RTN4IP1: variants seen among roughly 807,000 people sequenced by gnomAD.
RTN4IP1 encodes NAD(P)H oxidoreductase RTN4IP1, mitochondrial.
Under a neutral mutation model 46.6 loss-of-function variants are expected in RTN4IP1, and 32 were observed. The ratio of observed to expected loss-of-function variants is 0.69; its 90% confidence interval spans 0.52 to 0.92. RTN4IP1 has a LOEUF of 0.92. Ranked by LOEUF, RTN4IP1 falls within the 40% of genes least tolerant of loss-of-function variation. The pLI is 0.00. For synonymous variants in RTN4IP1, 167 were observed against 161.8 expected (o/e 1.03, Z -0.24); for missense variants, 424 against 485.8 (o/e 0.87, Z 1.20).
intron 5 of RTN4IP1, among the ~76,000 whole-genome samples, chr6:106,598,075 T>C (rs1775845917): frequency 1.3e-5 from 2 of 152,308 alleles, no homozygotes; most frequent in African/African-American, 4.8e-5. Context: ...TGTGCCAAAT[T>C]TTCTTAATCC....
intron 8 of RTN4IP1, among the ~76,000 whole-genome samples, chr6:106,572,771 GTT>G (rs888705458): frequency 4.0e-5 from 6 of 149,902 alleles, no homozygotes; most frequent in Non-Finnish European, 5.9e-5. Context: ...CATGGAAATA[GTT>G]TTTTTTTTGT....
upstream of RTN4IP1, chr6:106,629,688 G>T (rs1392547031): frequency 6.2e-7 from 1 of 1,606,474 alleles, no homozygotes; most frequent in Non-Finnish European, 8.5e-7. Flanking sequence ...GACCATGCTG[G>T]GCCGGAGCCT....
At position 106,587,576 on chromosome 6, in the gene RTN4IP1, C is replaced by T. The variant is rs12528136; in HGVS notation, c.990+103G>A. On this transcript the variant is annotated intron_variant, in intron 7 of 8. Transcript: ENST00000369063. ...CTGCAGAGTCCATGCTTGCAACCAC[C>T]GTGCTATGCGGCCTCCAAGAGAAGA... is the stretch of plus-strand genomic sequence containing the variant. The T allele has an allele frequency of 0.079, 81,898 of 1,035,940 alleles. 3,974 individuals are homozygous for T. Among genetic ancestry groups the T allele is most frequent in the East Asian group, 0.19 (7,820 of 41,604 alleles). The allele number at this position is 1,035,940 out of a possible 1,614,324, so 64.2% of individuals were successfully genotyped here.
At position 106,571,219 on chromosome 6, in the gene RTN4IP1, T is replaced by C. The variant is rs1775050765; in HGVS notation, c.*777A>G. The C allele has an allele frequency of 6.6e-6, 1 of 152,218 alleles. No individual in the cohort carries two copies. The highest frequency in any genetic ancestry group is 1.5e-5 in the Non-Finnish European group (1 of 68,036). 9.4% of individuals were successfully genotyped at this position (152,218 alleles called of 1,614,324 possible). A position where few individuals can be genotyped will look rare whatever the true frequency, so the allele number is the denominator to read the frequency against. On this transcript the variant is annotated 3_prime_UTR_variant, in exon 9 of 9. Coordinates refer to ENST00000369063, the MANE Select transcript of RTN4IP1 (RefSeq NM_032730.5). ...ATAAACAAATGAATCACCAGGCAGA[T>C]TTTTATATATGACACTAAGAGATTT... is the stretch of plus-strand genomic sequence containing the variant.
At chr6:106,576,728 A>G (rs1280617407) in intron 8 of RTN4IP1, among the ~76,000 whole-genome samples, 2 of 152,252 alleles carry the variant, frequency 1.3e-5, no homozygotes, top group Non-Finnish European at 2.9e-5. Flanking sequence ...GTAAGTAAAT[A>G]AAATGAAAAA....
At chr6:106,588,909 G>C (rs894225924) in intron 6 of RTN4IP1, among the ~76,000 whole-genome samples, 1 of 151,734 alleles carries the variant, frequency 6.6e-6, no homozygotes. Flanking sequence ...TCAGGAGTTC[G>C]AGACCAGCCT....
At chr6:106,592,041 G>T in intron 6 of RTN4IP1, 123 bp downstream of exon 6, 3 of 1,015,032 alleles carry the variant, frequency 3.0e-6, no homozygotes, top group Non-Finnish European at 2.9e-6. Context: ...TAGTGACATG[G>T]AATGTTTTCA....
intron 4 of RTN4IP1, among the ~76,000 whole-genome samples, chr6:106,603,897 G>T (rs186478699): frequency 2.0e-5 from 3 of 152,290 alleles, no homozygotes; most frequent in Non-Finnish European, 4.4e-5. Flanking sequence ...TATAAAAAGT[G>T]ATTGTTTGAT....
rs73524952 is a variant in RTN4IP1 at position 106,583,436 on chromosome 6, C to T, written c.991-16G>A. 5.2e-4 allele frequency: 822 copies of T among 1,582,538 alleles called. 5 individuals are homozygous for T. In the African/African-American group the frequency reaches 0.01, roughly 20 times the overall value. The stretch of plus-strand genomic sequence containing the variant: ...TCCAGAAATGCTAAAAAGAAGAAAA[C>T]AAAACATGTCAAATACAGAAAAACA... On this transcript the variant is annotated splice_polypyrimidine_tract_variant and intron_variant, in intron 7 of 8. Transcript: ENST00000369063.
intron 8 of RTN4IP1, among the ~76,000 whole-genome samples, chr6:106,581,612 A>G (rs967601888): frequency 6.6e-6 from 1 of 152,216 alleles, no homozygotes; most frequent in Admixed American, 6.5e-5. Flanking sequence ...AGGAGAGGAG[A>G]ATCAAAGCAC....
At chr6:106,575,430 T>C (rs772592884) in intron 8 of RTN4IP1, among the ~76,000 whole-genome samples, 7 of 152,208 alleles carry the variant, frequency 4.6e-5, no homozygotes, top group Non-Finnish European at 7.3e-5. Context: ...TGTGAGAACG[T>C]AGGGACGACG....
upstream of RTN4IP1, chr6:106,629,586 T>C: frequency 6.8e-7 from 1 of 1,478,830 alleles, no homozygotes; most frequent in Non-Finnish European, 9.2e-7. Flanking sequence ...TCAGTGACAA[T>C]TAAAGATGGC....
chr6:106,589,926 G>A (rs182681988), intron 6 of RTN4IP1, among the ~76,000 whole-genome samples: 51 of 152,330 alleles, frequency 3.3e-4, no homozygotes, highest in African/African-American at 1.2e-3. Context: ...GCCAAGGAGG[G>A]AAGCATAGCA....
chr6:106,610,067 AT>A (rs60667504), intron 4 of RTN4IP1, among the ~76,000 whole-genome samples: 27,532 of 148,914 alleles, frequency 0.18, 2,682 homozygotes, highest in African/African-American at 0.22. Flanking sequence ...GGCAAAATAA[AT>A]TTTTTTTTTT....
In RTN4IP1 at chr6:106,574,306, G is replaced by A. The variant is rs1399150443; in HGVS notation, c.1084-2203C>T. On this transcript the variant is annotated intron_variant, in intron 8 of 8. Transcript: ENST00000369063. ...AAAAATACAAAAATTAGCTGGGTGTGGTGGTGTGTGTCTGTAATCCCAGCT... is the reference window on the plus strand; with the variant it reads ...AAAAATACAAAAATTAGCTGGGTGTAGTGGTGTGTGTCTGTAATCCCAGCT... Among the ~76,000 whole-genome samples, 3 of 152,052 alleles carry A rather than the reference G, an allele frequency of 2.0e-5. No homozygotes were observed. The South Asian group carries it at 6.2e-4, about 32-fold the overall frequency.
chr6:106,602,478 G>A (rs1040146585), intron 5 of RTN4IP1, among the ~76,000 whole-genome samples: 2 of 152,090 alleles, frequency 1.3e-5, no homozygotes, highest in African/African-American at 2.4e-5. Context: ...GACATTGGCT[G>A]TTTCCTATTA....
intron 7 of RTN4IP1, among the ~76,000 whole-genome samples, chr6:106,585,315 C>T (rs1423782958): frequency 6.6e-6 from 1 of 152,090 alleles, no homozygotes; most frequent in African/African-American, 2.4e-5. Flanking sequence ...CTCTACAAAA[C>T]AAGAAAAAGA....
intron 5 of RTN4IP1, among the ~76,000 whole-genome samples, chr6:106,598,145 G>T (rs545986771): frequency 6.6e-6 from 1 of 151,920 alleles, no homozygotes. Context: ...GAATAATGCC[G>T]CAATAAACAT....
chr6:106,613,216 G>A (rs1776271760), intron 4 of RTN4IP1, among the ~76,000 whole-genome samples: 1 of 151,926 alleles, frequency 6.6e-6, no homozygotes, highest in East Asian at 1.9e-4. Flanking sequence ...GGAAAATACT[G>A]ATGTGGTTCG....
Sources: allele counts gnomAD v4.1 joint callset (sites outside exome capture counted in the v4.1 genomes callset), GRCh38; gene constraint gnomAD v4.1.1; transcripts MANE v1.5; gene names NCBI Gene and HGNC (gene_info 2026-07-23, HGNC 2026-07-21).